The following PALS2 variants were observed in gnomAD, a reference collection of about 807,000 sequenced individuals.
The protein encoded by PALS2 is protein associated with LIN7 2, MAGUK p55 family member, also known as protein PALS2.
Under a neutral mutation model 61.6 loss-of-function variants are expected in PALS2, and 27 were observed. That is an observed-to-expected ratio of 0.44 (90% CI 0.32 to 0.60). The LOEUF is 0.60. Ranked by LOEUF, PALS2 falls within the 20% of genes least tolerant of loss-of-function variation. The pLI is 0.05. For missense variants in PALS2, 554 were observed against 639.4 expected, an observed-to-expected ratio of 0.87 and a Z score of 1.44; for synonymous variants, 236 against 218.6, an observed-to-expected ratio of 1.08 and a Z score of -0.70.
intron 1 of PALS2, among the ~76,000 whole-genome samples, chr7:24,608,547 T>C (rs949783708): frequency 4.6e-5 from 7 of 152,178 alleles, no homozygotes; most frequent in Admixed American, 2.0e-4. Context: ...CTTGACTTGA[T>C]TTTCTGGATT....
At position 24,573,523 on chromosome 7, in the gene PALS2, AGAGCAGCGGCGGCGGGGAGCGACCGG is replaced by A. The variant is rs1782524626; in HGVS notation, c.-68_-43del. On this transcript the variant is annotated 5_prime_UTR_variant, in exon 1 of 12. Coordinates refer to ENST00000222644, the MANE Select transcript of PALS2 (RefSeq NM_001303037.2). This position sits in a 1 kb window ranked among gnomAD's most constrained non-coding sequence, Gnocchi z 5.3. ...GCTCGGCGGCGCCTGTGGCTGAGGGAGAGCAGCGGCGGCGGGGAGCGACCGGGAGCGGCGGCAGCGGCGGCGCGGAG... is the reference window on the plus strand; with the variant it reads ...GCTCGGCGGCGCCTGTGGCTGAGGGAGAGCGGCGGCAGCGGCGGCGCGGAG... 1 of 372,712 alleles carries A rather than the reference AGAGCAGCGGCGGCGGGGAGCGACCGG, an allele frequency of 2.7e-6. No homozygotes were observed. Among genetic ancestry groups the A allele is most frequent in the Non-Finnish European group, 4.7e-6 (1 of 212,006 alleles). 23.1% of individuals were successfully genotyped at this position (372,712 alleles called of 1,614,324 possible). A position where few individuals can be genotyped will look rare whatever the true frequency, so the allele number is the denominator to read the frequency against.
At position 24,625,599 on chromosome 7, in the gene PALS2, G is replaced by T. The variant is rs78948387; in HGVS notation, c.117+1815G>T. Among the ~76,000 whole-genome samples, 1,134 of 152,226 alleles carry T rather than the reference G, an allele frequency of 7.4e-3. 8 individuals are homozygous for T. Among genetic ancestry groups the T allele is most frequent in the African/African-American group, 0.025 (1,056 of 41,536 alleles). On this transcript the variant is annotated intron_variant, in intron 2 of 11. Coordinates refer to ENST00000222644, the MANE Select transcript of PALS2 (RefSeq NM_001303037.2). ...TCCAACACCGGGTGATGGGGTATGT[G>T]TATGTTTGTGTATGCTTATTCTTAA... is the stretch of plus-strand genomic sequence containing the variant.
chr7:24,625,265 C>T (rs530149400), intron 2 of PALS2, among the ~76,000 whole-genome samples: 67 of 152,136 alleles, frequency 4.4e-4, no homozygotes, highest in Middle Eastern at 6.8e-3. Flanking sequence ...TGTTGATTGT[C>T]AGTTATTGTC....
chr7:24,595,518 T>TATATAATATATA (rs1554299360), intron 1 of PALS2, among the ~76,000 whole-genome samples: 116 of 91,070 alleles, frequency 1.3e-3, no homozygotes, highest in African/African-American at 5.1e-3. Context: ...TAATATATAA[T>TATATAATATATA]ATATATAATA....
chr7:24,579,121 T>G (rs768815596), intron 1 of PALS2, among the ~76,000 whole-genome samples: 1 of 152,228 alleles, frequency 6.6e-6, no homozygotes, highest in Non-Finnish European at 1.5e-5. Context: ...GCAAAGATCA[T>G]GAACAGAGTA....
chr7:24,678,680 A>G (rs1337416894), intron 9 of PALS2, among the ~76,000 whole-genome samples: 1 of 152,184 alleles, frequency 6.6e-6, no homozygotes. Context: ...CACTCACAAC[A>G]TGCCTCAAAC....
intron 1 of PALS2, among the ~76,000 whole-genome samples, chr7:24,604,318 G>C (rs887230690): frequency 1.3e-5 from 2 of 149,642 alleles, no homozygotes; most frequent in South Asian, 2.2e-4. Flanking sequence ...AACTCAAAAA[G>C]AACCAAGTAG....
At chr7:24,631,365 C>T (rs187884003) in intron 2 of PALS2, among the ~76,000 whole-genome samples, 206 of 152,272 alleles carry the variant, frequency 1.4e-3, no homozygotes, top group Non-Finnish European at 2.0e-3. Flanking sequence ...GAAGTGGAAC[C>T]TGAAGATGTG....
At chr7:24,642,008 T>G in intron 3 of PALS2, 140 bp downstream of exon 3, 1 of 850,616 alleles carries the variant, frequency 1.2e-6, no homozygotes, top group Non-Finnish European at 1.8e-6. Flanking sequence ...ACCTTGGTAT[T>G]TTAATGTCCT....
intron 6 of PALS2, among the ~76,000 whole-genome samples, chr7:24,665,242 C>A (rs1374896898): frequency 2.0e-5 from 3 of 152,186 alleles, no homozygotes; most frequent in African/African-American, 7.2e-5. Flanking sequence ...CAGTAAATAT[C>A]TTACTAAAGG....
rs1025353136 is a variant in PALS2 at position 24,596,578 on chromosome 7, T to C, written c.-3+22985T>C. Among the ~76,000 whole-genome samples the C allele has an allele frequency of 6.6e-6, 1 of 152,190 alleles. No homozygotes were observed. Among genetic ancestry groups the C allele is most frequent in the Non-Finnish European group, 1.5e-5 (1 of 68,038 alleles). On this transcript the variant is annotated intron_variant, in intron 1 of 11. Transcript: ENST00000222644. This position sits in a 1 kb window ranked among gnomAD's most constrained non-coding sequence, Gnocchi z 4.5. ...TGATTCATTATACTACATATTTTCT[T>C]GTAAAATAATGAAGTTTTGACTTGC...
intron 1 of PALS2, among the ~76,000 whole-genome samples, chr7:24,584,645 G>T (rs2128040844): frequency 6.6e-6 from 1 of 151,916 alleles, no homozygotes; most frequent in Admixed American, 6.5e-5. Context: ...TTATTTTGCT[G>T]TGCAGAAGCT....
At chr7:24,682,488 C>T (rs113338542) in intron 11 of PALS2, among the ~76,000 whole-genome samples, 1 of 152,164 alleles carries the variant, frequency 6.6e-6, no homozygotes, top group East Asian at 1.9e-4. Flanking sequence ...CTGTAGGCTC[C>T]TTTGGGCTCA....
rs1381302098 is a variant in PALS2 at position 24,578,995 on chromosome 7, G to A, written c.-3+5402G>A. On this transcript the variant is annotated intron_variant, in intron 1 of 11. Coordinates refer to ENST00000222644, the MANE Select transcript of PALS2 (RefSeq NM_001303037.2). ...ACAAAAAGGAAGTAAAATAAAAATA[G>A]CATGATAATGGAGGAACTGGTAGAA... is the stretch of plus-strand genomic sequence containing the variant. Among the ~76,000 whole-genome samples the A allele has an allele frequency of 1.8e-4, 27 of 152,142 alleles. 1 individual carries two copies.
intron 1 of PALS2, among the ~76,000 whole-genome samples, chr7:24,610,758 G>A (rs1186691747): frequency 6.6e-6 from 1 of 151,982 alleles, no homozygotes; most frequent in Admixed American, 6.6e-5. Context: ...AAATAATGTT[G>A]CTGCTGTATT....
chr7:24,582,365 A>G (rs1319320496), intron 1 of PALS2, among the ~76,000 whole-genome samples: 2 of 152,110 alleles, frequency 1.3e-5, no homozygotes, highest in East Asian at 1.9e-4. Flanking sequence ...ACAGCATCCA[A>G]TCTGGTGATA....
intron 1 of PALS2, among the ~76,000 whole-genome samples, chr7:24,614,060 G>T (rs1784206504): frequency 6.6e-6 from 1 of 151,828 alleles, no homozygotes; most frequent in African/African-American, 2.4e-5. Context: ...GGGTGGCACA[G>T]ATATCTCATT....
chr7:24,693,923 G>T lies in PALS2; in HGVS notation c.*6309G>T, dbSNP rs894072070. 6.6e-6 allele frequency: 1 copy of T among 151,778 alleles called. No individual in the cohort carries two copies. The highest frequency in any genetic ancestry group is 2.4e-5 in the African/African-American group (1 of 41,284). The allele number at this position is 151,778 out of a possible 1,614,324, so 9.4% of individuals were successfully genotyped here. A position where few individuals can be genotyped will look rare whatever the true frequency, so the allele number is the denominator to read the frequency against. The stretch of plus-strand genomic sequence containing the variant: ...TTTCCCCCCACGCCAGTTCGTTTTG[G>T]TAAGTCTTTTATTTGAACACAAGAC... On this transcript the variant is annotated 3_prime_UTR_variant, in exon 12 of 12. Coordinates refer to ENST00000222644, the MANE Select transcript of PALS2 (RefSeq NM_001303037.2).
intron 11 of PALS2, among the ~76,000 whole-genome samples, chr7:24,681,263 A>G (rs1328239227): frequency 6.6e-6 from 1 of 152,118 alleles, no homozygotes; most frequent in Non-Finnish European, 1.5e-5. Context: ...AAATATATAC[A>G]AAAGAGGGAA....
Sources: gnomAD v4.1 joint callset for allele counts (sites outside exome capture counted in the v4.1 genomes callset) on GRCh38, gnomAD v4.1.1 for gene constraint, Gnocchi (gnomAD v3.1) non-coding constraint, MANE v1.5 for transcripts, NCBI Gene and HGNC (gene_info 2026-07-23, HGNC 2026-07-21) for gene names.